The following RASGRP3 variants were observed in gnomAD, a reference collection of about 807,000 sequenced individuals.
The protein encoded by RASGRP3 is ras guanyl-releasing protein 3.
In RASGRP3, 54 loss-of-function variants were observed where a neutral mutation model predicts 82.7. That is an observed-to-expected ratio of 0.65 (90% CI 0.52 to 0.82). The LOEUF (loss-of-function observed/expected upper bound fraction) is 0.82. Among genes scored for constraint, RASGRP3 ranks in the 40% least tolerant of loss-of-function variants. The pLI is 0.00. For synonymous variants in RASGRP3, 309 were observed against 300.5 expected (o/e 1.03, Z -0.29); for missense variants, 861 against 828.9 (o/e 1.04, Z -0.48).
In RASGRP3 at chr2:33,549,629, A is replaced by T. The variant is rs1675178805; in HGVS notation, c.1420A>T (p.Met474Leu). ...GGATGGCCTAATTAGTAAAGATGAA[A>T]TGATGGCTTACTTCCTGAGAGCTAA... is the stretch of plus-strand genomic sequence containing the variant. ...DQDGLISKDE[M>L]MAYFLRAKSQ... The change falls in exon 14 of 18, where the codon ATG (methionine) becomes TTG (leucine). Residue 474 changes from methionine (M) to leucine (L), a missense_variant. Transcript: ENST00000403687. 6 of 1,613,292 alleles carry T rather than the reference A, an allele frequency of 3.7e-6. No homozygotes were observed. Among genetic ancestry groups the T allele is most frequent in the Non-Finnish European group, 5.1e-6 (6 of 1,179,524 alleles).
chr2:33,441,043 C>A (rs1665198282), intron 1 of RASGRP3, among the ~76,000 whole-genome samples: 1 of 152,142 alleles, frequency 6.6e-6, no homozygotes, highest in Admixed American at 6.5e-5. Context: ...CAGGAACACG[C>A]CACTGCACCC....
chr2:33,534,067 G>T (rs1428375224), intron 10 of RASGRP3: 1 of 468,266 alleles, frequency 2.1e-6, no homozygotes, highest in Admixed American at 3.4e-5. Flanking sequence ...TCAGCACTGA[G>T]CACCTGGGAG....
chr2:33,463,853 G>C (rs1666520792), intron 2 of RASGRP3, among the ~76,000 whole-genome samples: 1 of 151,550 alleles, frequency 6.6e-6, no homozygotes, highest in African/African-American at 2.4e-5. Context: ...GCCTGCCTCG[G>C]CCTCCCGAAG....
intron 12 of RASGRP3, among the ~76,000 whole-genome samples, chr2:33,541,782 G>T (rs1434686422): frequency 6.8e-6 from 1 of 146,516 alleles, no homozygotes; most frequent in Non-Finnish European, 1.5e-5. Context: ...AGCTTTTTTG[G>T]TTCAATTTTT....
intron 14 of RASGRP3, among the ~76,000 whole-genome samples, chr2:33,550,447 C>T (rs1675249868): frequency 1.3e-5 from 2 of 152,186 alleles, no homozygotes; most frequent in Admixed American, 6.5e-5. Flanking sequence ...TTCACCTACA[C>T]CACTGCAACA....
intron 1 of RASGRP3, among the ~76,000 whole-genome samples, chr2:33,478,471 T>C (rs1667576733): frequency 6.6e-6 from 1 of 152,114 alleles, no homozygotes; most frequent in Non-Finnish European, 1.5e-5. Context: ...AAGAGAACCC[T>C]CTGGTGAAAT....
At chr2:33,499,619 C>A (rs1489589859) in intron 1 of RASGRP3, among the ~76,000 whole-genome samples, 1 of 152,042 alleles carries the variant, frequency 6.6e-6, no homozygotes, top group Non-Finnish European at 1.5e-5. Flanking sequence ...AATTAAGTAG[C>A]AAAATCTCGG....
rs887554926 is a variant in RASGRP3 at position 33,520,138 on chromosome 2, C to T, written c.236+124C>T. 16 of 791,450 alleles carry T rather than the reference C, an allele frequency of 2.0e-5. No individual in the cohort carries two copies. In the African/African-American group the frequency reaches 2.6e-4, roughly 13 times the overall value. 49.0% of individuals were successfully genotyped at this position (791,450 alleles called of 1,614,324 possible). On this transcript the variant is annotated intron_variant, in intron 5 of 17. Transcript: ENST00000403687. The stretch of plus-strand genomic sequence containing the variant: ...TCTACTCTGATACCCCTCCCACCAA[C>T]TTTGTTAAAATTGGCTCTCCTCTGT...
intron 16 of RASGRP3, 98 bp from the exon 17 acceptor site, chr2:33,558,574 G>C: frequency 1.7e-6 from 2 of 1,200,784 alleles, no homozygotes; most frequent in African/African-American, 1.5e-5. Flanking sequence ...GGTTCCTCTA[G>C]AATGTTGCAT....
At chr2:33,474,889 G>T (rs1469999759), upstream of RASGRP3, among the ~76,000 whole-genome samples, 5 of 152,232 alleles carry the variant, frequency 3.3e-5, no homozygotes, top group African/African-American at 1.2e-4. Flanking sequence ...TGTTGTCGCT[G>T]TTGGGCATTG....
intron 2 of RASGRP3, among the ~76,000 whole-genome samples, chr2:33,469,179 TA>T (rs1666904460): frequency 6.6e-6 from 1 of 152,240 alleles, no homozygotes; most frequent in Admixed American, 6.5e-5. Flanking sequence ...ATCCAGTTGT[TA>T]ATTGTAAATG....
At chr2:33,534,523 C>G (rs1673413972) in intron 11 of RASGRP3, 123 bp downstream of exon 11, 1 of 731,968 alleles carries the variant, frequency 1.4e-6, no homozygotes, top group Admixed American at 2.8e-5. Flanking sequence ...TGACATTATT[C>G]TTTCTTTTTC....
chr2:33,466,702 C>T (rs972784977), intron 2 of RASGRP3, among the ~76,000 whole-genome samples: 1 of 150,880 alleles, frequency 6.6e-6, no homozygotes, highest in African/African-American at 2.4e-5. Context: ...AAGATTTCAG[C>T]GGAGGAGGTA....
At chr2:33,456,555 T>A (rs1666046980) in intron 2 of RASGRP3, among the ~76,000 whole-genome samples, 1 of 152,214 alleles carries the variant, frequency 6.6e-6, no homozygotes, top group South Asian at 2.1e-4. Flanking sequence ...TAAATTCTGA[T>A]CTCAGTCTTC....
In RASGRP3 at chr2:33,448,484, A is replaced by G. The variant is rs75003245; in HGVS notation, c.-261+541A>G. Among the ~76,000 whole-genome samples the G allele has an allele frequency of 7.9e-4, 120 of 152,348 alleles. 1 individual carries two copies. In the East Asian group the frequency reaches 8.7e-3, roughly 11 times the overall value. On this transcript the variant is annotated intron_variant, in intron 2 of 18. Coordinates refer to the RASGRP3 transcript ENST00000402538. ...ATGCAATGGGAAATTATTCAGCCATAAAAAGGAATGAAGTTCTCATATATG... is the reference window on the plus strand; with the variant it reads ...ATGCAATGGGAAATTATTCAGCCATGAAAAGGAATGAAGTTCTCATATATG...
intron 2 of RASGRP3, among the ~76,000 whole-genome samples, chr2:33,463,592 CTTTTT>C (rs56748259): frequency 4.3e-5 from 3 of 70,228 alleles, no homozygotes; most frequent in East Asian, 4.5e-4. Flanking sequence ...CTCCTTCACT[CTTTTT>C]TTTTTTTTTT....
upstream of RASGRP3, among the ~76,000 whole-genome samples, chr2:33,475,764 A>G (rs1667323551): frequency 6.6e-6 from 1 of 152,216 alleles, no homozygotes; most frequent in African/African-American, 2.4e-5. Flanking sequence ...TCAACAAAAC[A>G]TCAGGGATGG....
At chr2:33,532,230 T>TTATCTAAAA (rs1673166449) in intron 10 of RASGRP3, 1 of 152,192 alleles carries the variant, frequency 6.6e-6, no homozygotes, top group South Asian at 2.1e-4. Flanking sequence ...TTGGGATAGT[T>TTATCTAAAA]TATCTAAAAC....
At chr2:33,474,174 T>C (rs1167123898), upstream of RASGRP3, among the ~76,000 whole-genome samples, 5 of 152,026 alleles carry the variant, frequency 3.3e-5, no homozygotes, top group African/African-American at 1.2e-4. Context: ...ACTTATGATG[T>C]AGTTTGGATG....
Sources: allele counts gnomAD v4.1 joint callset (sites outside exome capture counted in the v4.1 genomes callset), GRCh38; gene constraint gnomAD v4.1.1; transcripts MANE v1.5; gene names NCBI Gene and HGNC (gene_info 2026-07-23, HGNC 2026-07-21).